The following BCO2 variants were observed in gnomAD, a reference collection of about 807,000 sequenced individuals.
BCO2 encodes beta-carotene oxygenase 2.
Under a neutral mutation model 65.8 loss-of-function variants are expected in BCO2, and 56 were observed. The ratio of observed to expected loss-of-function variants is 0.85; its 90% CI spans 0.69 to 1.06. The LOEUF is 1.06. Among genes scored for constraint, BCO2 ranks in the 50% least tolerant of loss-of-function variants. The pLI, the probability that BCO2 is intolerant of heterozygous loss-of-function variation, is 0.00. For synonymous variants in BCO2, 233 were observed against 242.3 expected (o/e 0.96, Z 0.36); for missense variants, 675 against 698.5 (o/e 0.97, Z 0.38).
chr11:112,204,800 G>T (rs1281766798), intron 8 of BCO2, among the ~76,000 whole-genome samples: 1 of 152,062 alleles, frequency 6.6e-6, no homozygotes, highest in African/African-American at 2.4e-5. Flanking sequence ...AGCCTCCCGA[G>T]TAGCTGGGAT....
Position 112,199,776 on chromosome 11 carries a change from T to A in BCO2, c.814T>A (p.Cys272Ser), listed in dbSNP as rs911984959. Residue 272 changes from cysteine (C) to serine (S), a missense_variant, in exon 6 of 12, where the codon TGT becomes AGT. Coordinates refer to ENST00000357685, the MANE Select transcript of BCO2 (RefSeq NM_031938.7). ...GACAATCCATGGAGTCCAGGTGATA[T>A]GTTCTATTGCTTCTACAGAGAAAGG... ...GETIHGVQVICSIASTEKGKP... is the reference protein window; with the variant it reads ...GETIHGVQVISSIASTEKGKP... 1.2e-6 allele frequency: 2 copies of A among 1,613,986 alleles called. No homozygotes were observed. The highest frequency in any genetic ancestry group is 8.5e-7 in the Non-Finnish European group (1 of 1,179,856).
intron 2 of BCO2, chr11:112,182,787 G>C: frequency 1.6e-6 from 1 of 613,734 alleles, no homozygotes; most frequent in Admixed American, 2.9e-5. Flanking sequence ...CACCAACATG[G>C]CACATGTGTA....
At chr11:112,201,984 A>G in intron 7 of BCO2, 39 bp from the exon 8 acceptor site, 1 of 1,496,814 alleles carries the variant, frequency 6.7e-7, no homozygotes, top group Non-Finnish European at 8.9e-7. Context: ...GAAGAAAACT[A>G]AAAAAAATTT....
chr11:112,183,391 G>A (rs1476114880), intron 2 of BCO2, among the ~76,000 whole-genome samples: 2 of 152,104 alleles, frequency 1.3e-5, no homozygotes, highest in East Asian at 1.9e-4. Flanking sequence ...TAACAGAAAA[G>A]CACTCATTTA....
chr11:112,181,821 A>T (rs1365464132), intron 2 of BCO2: 10 of 925,894 alleles, frequency 1.1e-5, no homozygotes, highest in Non-Finnish European at 1.8e-6. Context: ...AAGCTGCTGT[A>T]ATCTTGCACA....
intron 2 of BCO2, among the ~76,000 whole-genome samples, chr11:112,184,520 T>C (rs904199004): frequency 6.6e-6 from 1 of 152,102 alleles, no homozygotes; most frequent in Non-Finnish European, 1.5e-5. Flanking sequence ...CCCAAAGTGC[T>C]GAGATTACAG....
chr11:112,210,792 G>A (rs570815053), intron 8 of BCO2, among the ~76,000 whole-genome samples: 44 of 150,378 alleles, frequency 2.9e-4, no homozygotes, highest in African/African-American at 1.0e-3. Flanking sequence ...ACGAATGCAT[G>A]TTAAACTAGA....
intron 4 of BCO2, 53 bp from the exon 5 acceptor site, chr11:112,194,600 C>A: frequency 1.0e-6 from 1 of 1,001,874 alleles, no homozygotes; most frequent in Non-Finnish European, 1.6e-6. Flanking sequence ...ACTATTTATG[C>A]ATGTGAATAG....
intron 2 of BCO2, among the ~76,000 whole-genome samples, chr11:112,192,027 A>G (rs1867405753): frequency 6.6e-6 from 1 of 152,156 alleles, no homozygotes; most frequent in Non-Finnish European, 1.5e-5. Flanking sequence ...GAACTTTTTC[A>G]TTTTGTGAAA....
intron 8 of BCO2, among the ~76,000 whole-genome samples, chr11:112,204,797 C>G (rs571806099): frequency 6.6e-6 from 1 of 152,088 alleles, no homozygotes; most frequent in Non-Finnish European, 1.5e-5. Context: ...CTCAGCCTCC[C>G]GAGTAGCTGG....
At chr11:112,183,259 T>A in intron 2 of BCO2, 1 of 731,334 alleles carries the variant, frequency 1.4e-6, no homozygotes, top group Non-Finnish European at 2.5e-6. Flanking sequence ...TCTTTCTCCA[T>A]CCACTCAGTT....
chr11:112,192,677 C>CTTTTTTTTTTTTTTT (rs71463410), intron 2 of BCO2, among the ~76,000 whole-genome samples: 1 of 124,794 alleles, frequency 8.0e-6, no homozygotes, highest in Non-Finnish European at 1.7e-5. Flanking sequence ...TTCTTTCTTT[C>CTTTTTTTTTTTTTTT]TTTTTTTTTT....
chr11:112,200,774 G>A lies in BCO2; in HGVS notation c.1026+1G>A, dbSNP rs555072527. ...TGTGGTGGAAAAACGCACTGGACAG[G>A]TGGAGTATTTTGAGTATATTTATCA... On this transcript the variant is annotated splice_donor_variant, in intron 7 of 11. Transcript: ENST00000357685. LOFTEE classifies it high-confidence loss of function. 1 of 1,612,160 alleles carries A rather than the reference G, an allele frequency of 6.2e-7. No individual in the cohort carries two copies. Among genetic ancestry groups the A allele is most frequent in the South Asian group, 1.1e-5 (1 of 90,514 alleles).
At chr11:112,212,524 A>T (rs1566799196) in intron 8 of BCO2, among the ~76,000 whole-genome samples, 1 of 152,216 alleles carries the variant, frequency 6.6e-6, no homozygotes. Flanking sequence ...TCATGATTAC[A>T]GTAAAAGGAT....
intron 2 of BCO2, among the ~76,000 whole-genome samples, chr11:112,193,005 T>C (rs1454733468): frequency 2.3e-5 from 3 of 130,902 alleles, no homozygotes; most frequent in African/African-American, 8.6e-5. Context: ...TGAGATAGAG[T>C]CTCCCTCTGT....
At position 112,194,753 on chromosome 11, in the gene BCO2, A is replaced by G. The variant is rs1204650375; in HGVS notation, c.734A>G (p.Tyr245Cys). The G allele has an allele frequency of 2.5e-6, 4 of 1,582,034 alleles. No individual in the cohort carries two copies. Among genetic ancestry groups the G allele is most frequent in the Non-Finnish European group, 3.5e-6 (4 of 1,154,550 alleles). ...AATATGGGGAACTCCTTTGGGCCAT[A>G]TGGTAAAGTTGCAATAAAGGTCTTT... ...AYNMGNSFGP[Y>C]GFSYKVIRVP... The change falls in exon 5 of 12, where the codon TAT becomes TGT. Residue 245 changes from tyrosine (Y) to cysteine (C), a missense_variant and splice_region_variant. Transcript: ENST00000357685.
chr11:112,212,160 G>A (rs867529374), intron 8 of BCO2, among the ~76,000 whole-genome samples: 24 of 152,260 alleles, frequency 1.6e-4, no homozygotes, highest in African/African-American at 5.3e-4. Context: ...GGAGGAAATG[G>A]TGCAGTTTGT....
Position 112,214,955 on chromosome 11 carries a change from A to C in BCO2, c.1515+11A>C, listed in dbSNP as rs756361610. ...AATAAGACACTGAAGGTGATGAAAA[A>C]CTCTTTCCTTTTTGAACTTTTCAGA... On this transcript the variant is annotated intron_variant, in intron 10 of 11. Coordinates refer to ENST00000357685, the MANE Select transcript of BCO2 (RefSeq NM_031938.7). The C allele has an allele frequency of 6.2e-6, 10 of 1,612,578 alleles. No homozygotes were observed. In the South Asian group the frequency reaches 8.8e-5, roughly 14 times the overall value.
At chr11:112,194,806 G>T in intron 5 of BCO2, 51 bp downstream of exon 5, 1 of 1,304,020 alleles carries the variant, frequency 7.7e-7, no homozygotes, top group Non-Finnish European at 1.1e-6. Context: ...CAGGCACGGT[G>T]TGTATATAAA....
Sources: gnomAD v4.1 joint callset for allele counts (sites outside exome capture counted in the v4.1 genomes callset) on GRCh38, gnomAD v4.1.1 for gene constraint, MANE v1.5 for transcripts, NCBI Gene and HGNC (gene_info 2026-07-23, HGNC 2026-07-21) for gene names.